Variants in CENPW observed in about 807,000 individuals in gnomAD.
CENPW encodes the protein centromere protein W.
In CENPW, 3 loss-of-function variants were observed where a neutral mutation model predicts 11.1. The observed-to-expected ratio is 0.27, with a 90% CI of 0.12 to 0.70. The LOEUF (loss-of-function observed/expected upper bound fraction) is 0.70. Among genes scored for constraint, CENPW ranks in the 30% least tolerant of loss-of-function variants. CENPW has a pLI of 0.77. For synonymous variants in CENPW, 38 were observed against 42.0 expected (o/e 0.91, Z 0.37); for missense variants, 100 against 105.6 (o/e 0.95, Z 0.23).
the CENPW span, among the ~76,000 whole-genome samples, chr6:126,464,030 T>A: frequency 6.6e-6 from 1 of 152,098 alleles, no homozygotes; most frequent in East Asian, 1.9e-4. Context: ...TACATATTGA[T>A]AACTATGAAC....
chr6:126,358,418 A>G, the CENPW span, among the ~76,000 whole-genome samples: 1 of 152,086 alleles, frequency 6.6e-6, no homozygotes, highest in East Asian at 1.9e-4. Context: ...TATCATGAAG[A>G]AGTGTTGGAT....
At chr6:126,400,831 A>G in the CENPW span, among the ~76,000 whole-genome samples, 1 of 152,036 alleles carries the variant, frequency 6.6e-6, no homozygotes, top group African/African-American at 2.4e-5. Flanking sequence ...AGCCCACTGA[A>G]GGCACTCTTA....
the CENPW span, among the ~76,000 whole-genome samples, chr6:126,463,457 A>G: frequency 6.6e-6 from 1 of 152,060 alleles, no homozygotes; most frequent in African/African-American, 2.4e-5. Context: ...AACAAAGAAA[A>G]TAACATCAAA....
chr6:126,418,970 T>C, the CENPW span, among the ~76,000 whole-genome samples: 2 of 150,270 alleles, frequency 1.3e-5, no homozygotes, highest in Non-Finnish European at 1.5e-5. Flanking sequence ...TTAGGAGATA[T>C]ACTTAATGTA....
At chr6:126,353,018 A>C (rs144196540), downstream of CENPW, among the ~76,000 whole-genome samples, 1 of 152,042 alleles carries the variant, frequency 6.6e-6, no homozygotes, top group Non-Finnish European at 1.5e-5. Flanking sequence ...ACTGTTGACT[A>C]TTTCTAGAAC....
the CENPW span, among the ~76,000 whole-genome samples, chr6:126,398,093 G>T: frequency 6.6e-6 from 1 of 152,090 alleles, no homozygotes; most frequent in Non-Finnish European, 1.5e-5. Flanking sequence ...TACTCCTATT[G>T]TGCAGACATA....
chr6:126,364,019 CAG>C, the CENPW span, among the ~76,000 whole-genome samples: 1 of 152,136 alleles, frequency 6.6e-6, no homozygotes, highest in African/African-American at 2.4e-5. Context: ...CATAATAGCA[CAG>C]AGTTAATTGT....
chr6:126,346,969 T>C (rs1780424032), intron 2 of CENPW, among the ~76,000 whole-genome samples: 1 of 152,124 alleles, frequency 6.6e-6, no homozygotes, highest in African/African-American at 2.4e-5. Flanking sequence ...AAAAAAAATC[T>C]CTTATAAGTA....
downstream of CENPW, among the ~76,000 whole-genome samples, chr6:126,352,684 C>T (rs547551627): frequency 5.3e-5 from 8 of 152,118 alleles, no homozygotes; most frequent in African/African-American, 1.9e-4. Flanking sequence ...TAAAGTGTGT[C>T]TCATAATCAG....
At chr6:126,432,224 T>C in the CENPW span, among the ~76,000 whole-genome samples, 1 of 152,154 alleles carries the variant, frequency 6.6e-6, no homozygotes, top group Non-Finnish European at 1.5e-5. Flanking sequence ...CCATAAATAC[T>C]CATGGCACCT....
At chr6:126,344,870 A>G (rs966137349) in intron 1 of CENPW, among the ~76,000 whole-genome samples, 6 of 152,060 alleles carry the variant, frequency 3.9e-5, no homozygotes, top group Non-Finnish European at 7.4e-5. Flanking sequence ...TGTGCAGTAC[A>G]CAAGATAGTG....
the CENPW span, among the ~76,000 whole-genome samples, chr6:126,420,200 A>T: frequency 1.3e-5 from 2 of 152,142 alleles, no homozygotes; most frequent in Admixed American, 6.6e-5. Flanking sequence ...CAGAAGAAAG[A>T]GAAACAAATT....
At chr6:126,377,243 G>T in the CENPW span, among the ~76,000 whole-genome samples, 8 of 152,120 alleles carry the variant, frequency 5.3e-5, no homozygotes, top group Admixed American at 2.6e-4. Context: ...TAAATAAAAG[G>T]ATGTATTCTT....
the CENPW span, among the ~76,000 whole-genome samples, chr6:126,449,885 T>C: frequency 2.0e-5 from 3 of 151,174 alleles, no homozygotes; most frequent in East Asian, 5.9e-4. Context: ...CAATAGGAAA[T>C]TGCAGTTTTG....
chr6:126,340,208 C>T lies in CENPW; in HGVS notation c.-66C>T. On this transcript the variant is annotated 5_prime_UTR_variant, in exon 1 of 3. Coordinates refer to ENST00000368328, the MANE Select transcript of CENPW (RefSeq NM_001012507.4). ...GGATTGTTTTCGCTGGCCCAGTGTC[C>T]CCGGAGCTTGTGTGCGATACAGAGA... 10 of 1,496,814 alleles carry T rather than the reference C, an allele frequency of 6.7e-6. No individual in the cohort carries two copies. Among genetic ancestry groups the T allele is most frequent in the Admixed American group, 1.7e-5 (1 of 58,192 alleles). The allele number at this position is 1,496,814 out of a possible 1,614,324, so 92.7% of individuals were successfully genotyped here.
intron 2 of CENPW, among the ~76,000 whole-genome samples, chr6:126,346,941 T>G (rs1260803064): frequency 6.6e-6 from 1 of 152,054 alleles, no homozygotes; most frequent in African/African-American, 2.4e-5. Context: ...AGTGCGAAAC[T>G]CCGTCTCAAA....
chr6:126,375,409 T>G, the CENPW span, among the ~76,000 whole-genome samples: 1 of 152,144 alleles, frequency 6.6e-6, no homozygotes, highest in African/African-American at 2.4e-5. Flanking sequence ...CATTTTAGAT[T>G]CTGTGTTGAA....
chr6:126,344,333 G>C (rs1157158274), intron 1 of CENPW, among the ~76,000 whole-genome samples: 1 of 152,158 alleles, frequency 6.6e-6, no homozygotes, highest in African/African-American at 2.4e-5. Context: ...TAGAGGCAAG[G>C]TTGCATTTGA....
At chr6:126,454,409 T>C in the CENPW span, among the ~76,000 whole-genome samples, 1 of 151,410 alleles carries the variant, frequency 6.6e-6, no homozygotes, top group East Asian at 1.9e-4. Context: ...AAATTAATAC[T>C]AAGAAAATTG....
Sources: allele counts gnomAD v4.1 joint callset (sites outside exome capture counted in the v4.1 genomes callset), GRCh38; gene constraint gnomAD v4.1.1; transcripts MANE v1.5; gene names NCBI Gene and HGNC (gene_info 2026-07-23, HGNC 2026-07-21).